The following FHIT variants were observed in gnomAD, a reference collection of about 807,000 sequenced individuals.
The protein encoded by FHIT is bis(5'-adenosyl)-triphosphatase.
In FHIT, 19 loss-of-function variants were observed where a neutral mutation model predicts 17.9. The ratio of observed to expected loss-of-function variants is 1.06; its 90% CI spans 0.74 to 1.56. The LOEUF (loss-of-function observed/expected upper bound fraction) is 1.56, where lower values mean the gene tolerates loss of function less well. Among genes scored for constraint, FHIT ranks in the 40% most tolerant of loss-of-function variants. FHIT has a pLI of 0.00. For missense variants in FHIT, 248 were observed against 189.2 expected (o/e 1.31, Z -1.82); for synonymous variants, 81 against 69.7 (o/e 1.16, Z -0.81).
At chr3:60,877,540 G>A (rs1395325455) in intron 3 of FHIT, among the ~76,000 whole-genome samples, 1 of 152,184 alleles carries the variant, frequency 6.6e-6, no homozygotes, top group African/African-American at 2.4e-5. Flanking sequence ...ATCTCCCAAG[G>A]AAATAGTGCT....
At chr3:60,246,772 A>C (rs184555039) in intron 5 of FHIT, among the ~76,000 whole-genome samples, 1 of 152,248 alleles carries the variant, frequency 6.6e-6, no homozygotes, top group East Asian at 1.9e-4. Context: ...CTTCATATTG[A>C]CATTCTCCAC....
chr3:60,301,070 C>T (rs1017414227), intron 5 of FHIT, among the ~76,000 whole-genome samples: 6 of 152,056 alleles, frequency 3.9e-5, no homozygotes, highest in East Asian at 1.9e-4. Context: ...TTGGGCTTCC[C>T]GTTTCTCAGG....
intron 4 of FHIT, among the ~76,000 whole-genome samples, chr3:60,674,713 T>A (rs189357390): frequency 1.7e-4 from 26 of 152,304 alleles, no homozygotes; most frequent in Admixed American, 9.8e-4. Flanking sequence ...CAGGGAAATC[T>A]GCCCTCTCAG....
chr3:59,975,649 AGAAG>A (rs1708377388), intron 7 of FHIT, among the ~76,000 whole-genome samples: 1 of 152,088 alleles, frequency 6.6e-6, no homozygotes, highest in Non-Finnish European at 1.5e-5. Flanking sequence ...AGAGCAGGAG[AGAAG>A]GAAGAGTAAG....
chr3:60,218,081 TA>T (rs1267239441), intron 5 of FHIT, among the ~76,000 whole-genome samples: 5 of 152,092 alleles, frequency 3.3e-5, no homozygotes, highest in South Asian at 2.1e-4. Context: ...AGTATTATTT[TA>T]AAAAAATTTT....
chr3:59,826,367 A>AT (rs1478347486), intron 8 of FHIT, among the ~76,000 whole-genome samples: 1 of 152,144 alleles, frequency 6.6e-6, no homozygotes, highest in East Asian at 1.9e-4. Flanking sequence ...AGCAACTTCC[A>AT]TTTGGTTTAA....
chr3:60,759,226 T>C (rs1699550993), intron 4 of FHIT, among the ~76,000 whole-genome samples: 1 of 152,262 alleles, frequency 6.6e-6, no homozygotes, highest in Admixed American at 6.5e-5. Context: ...TGATTTAGGT[T>C]CAAGGGGCTC....
chr3:59,943,616 T>C (rs1393030564), intron 7 of FHIT, among the ~76,000 whole-genome samples: 3 of 152,276 alleles, frequency 2.0e-5, no homozygotes, highest in South Asian at 2.1e-4. Flanking sequence ...AATATTGTCC[T>C]ATGAGGCCCT....
intron 5 of FHIT, among the ~76,000 whole-genome samples, chr3:60,025,369 T>C (rs1475053189): frequency 6.6e-6 from 1 of 152,208 alleles, no homozygotes; most frequent in African/African-American, 2.4e-5. Flanking sequence ...ATAAGAAATC[T>C]AGATTTAAAT....
intron 2 of FHIT, among the ~76,000 whole-genome samples, chr3:61,193,850 C>T (rs1253029501): frequency 6.6e-6 from 1 of 152,118 alleles, no homozygotes; most frequent in East Asian, 1.9e-4. Context: ...TAACAAAAGA[C>T]AGGTCAGCAA....
At position 60,203,360 on chromosome 3, in the gene FHIT, C is replaced by T. The variant is rs143828349; in HGVS notation, c.104-189208G>A. ...CGGTTCATCATCAGTGAACACCTCTCCTTCAAAAAATATTTGTATGATAAT... is the reference window on the plus strand; with the variant it reads ...CGGTTCATCATCAGTGAACACCTCTTCTTCAAAAAATATTTGTATGATAAT... On this transcript the variant is annotated intron_variant, in intron 5 of 9. Transcript: ENST00000492590. 1.4e-3 allele frequency among the ~76,000 whole-genome samples: 213 copies of T among 152,230 alleles called. 1 individual carries two copies. The highest frequency in any genetic ancestry group is 5.1e-3 in the African/African-American group (210 of 41,542).
intron 5 of FHIT, among the ~76,000 whole-genome samples, chr3:60,215,305 T>C (rs1018343859): frequency 2.6e-5 from 4 of 151,864 alleles, no homozygotes; most frequent in Admixed American, 2.6e-4. Flanking sequence ...GCCTGGCCAA[T>C]ATGGTGAAAC....
At chr3:60,498,947 A>T (rs2034412556) in intron 5 of FHIT, among the ~76,000 whole-genome samples, 1 of 152,198 alleles carries the variant, frequency 6.6e-6, no homozygotes, top group Non-Finnish European at 1.5e-5. Flanking sequence ...TATTCCAGGA[A>T]CTTTTAACAA....
chr3:59,784,773 C>T (rs1702761209), intron 8 of FHIT, among the ~76,000 whole-genome samples: 1 of 152,192 alleles, frequency 6.6e-6, no homozygotes, highest in African/African-American at 2.4e-5. Context: ...AAGCCTCAGG[C>T]TCCAACATAG....
At chr3:59,761,615 T>A (rs77461658) in intron 8 of FHIT, among the ~76,000 whole-genome samples, 33 of 149,700 alleles carry the variant, frequency 2.2e-4, no homozygotes, top group Middle Eastern at 3.4e-3. Flanking sequence ...TATTTTATTT[T>A]TTTTTTTTCG....
At chr3:61,002,385 C>T (rs1434417406) in intron 3 of FHIT, among the ~76,000 whole-genome samples, 1 of 152,178 alleles carries the variant, frequency 6.6e-6, no homozygotes, top group Non-Finnish European at 1.5e-5. Flanking sequence ...ACCTCAGCCT[C>T]CCGAGTAGCT....
chr3:59,859,850 T>G (rs1702332698), intron 8 of FHIT, among the ~76,000 whole-genome samples: 1 of 152,212 alleles, frequency 6.6e-6, no homozygotes, highest in South Asian at 2.1e-4. Flanking sequence ...CTGAGACAGT[T>G]GGCAAAATGT....
At chr3:60,899,945 C>T (rs6792606) in intron 3 of FHIT, among the ~76,000 whole-genome samples, 35,602 of 152,042 alleles carry the variant, frequency 0.23, 4,341 homozygotes, top group Middle Eastern at 0.31. Flanking sequence ...CACTGCATAC[C>T]GCACTGGGCA....
At chr3:60,829,191 T>C (rs1553741816) in intron 3 of FHIT, among the ~76,000 whole-genome samples, 1 of 152,194 alleles carries the variant, frequency 6.6e-6, no homozygotes, top group African/African-American at 2.4e-5. Flanking sequence ...ACAGATATGA[T>C]CCATGCCTGC....
Sources: gnomAD v4.1 joint callset for allele counts (sites outside exome capture counted in the v4.1 genomes callset) on GRCh38, gnomAD v4.1.1 for gene constraint, MANE v1.5 for transcripts, NCBI Gene and HGNC (gene_info 2026-07-23, HGNC 2026-07-21) for gene names.